Variants in PRKG1 observed in about 807,000 individuals in gnomAD.
The protein encoded by PRKG1 is cGMP-dependent protein kinase 1.
In PRKG1, 35 loss-of-function variants were observed where a neutral mutation model predicts 88.1. That is an observed-to-expected ratio of 0.40 (90% confidence interval 0.30 to 0.53). The LOEUF (loss-of-function observed/expected upper bound fraction) is 0.53. Ranked by LOEUF, PRKG1 falls within the 20% of genes least tolerant of loss-of-function variation. The pLI is 0.59. For missense variants in PRKG1, 540 were observed against 839.8 expected (o/e 0.64, Z 4.41); for synonymous variants, 303 against 292.5 (o/e 1.04, Z -0.37).
At chr10:51,671,427 G>A (rs1840573451) in intron 3 of PRKG1, among the ~76,000 whole-genome samples, 1 of 152,148 alleles carries the variant, frequency 6.6e-6, no homozygotes, top group Non-Finnish European at 1.5e-5. Flanking sequence ...ATCTCTAAAG[G>A]AAGATCTATT....
At chr10:51,013,970 T>A (rs1162913004) in intron 1 of PRKG1, among the ~76,000 whole-genome samples, 1 of 152,160 alleles carries the variant, frequency 6.6e-6, no homozygotes, top group Non-Finnish European at 1.5e-5. Context: ...GCCATAATAA[T>A]ATGCAGGAAA....
At chr10:52,051,483 A>G (rs1348084671) in intron 5 of PRKG1, among the ~76,000 whole-genome samples, 1 of 152,162 alleles carries the variant, frequency 6.6e-6, no homozygotes, top group Non-Finnish European at 1.5e-5. Flanking sequence ...GTACTTATAT[A>G]CAGGAAAGCA....
intron 3 of PRKG1, among the ~76,000 whole-genome samples, chr10:51,562,045 A>T (rs546257994): frequency 1.3e-5 from 2 of 152,050 alleles, no homozygotes; most frequent in South Asian, 4.2e-4. Context: ...CAACATGACG[A>T]AAACCCCATC....
intron 7 of PRKG1, among the ~76,000 whole-genome samples, chr10:52,132,906 G>C (rs950126656): frequency 6.6e-6 from 1 of 152,074 alleles, no homozygotes; most frequent in Non-Finnish European, 1.5e-5. Flanking sequence ...ACACTGTGGA[G>C]AACGGGGTAT....
At chr10:51,010,278 T>C (rs1025825083) in intron 1 of PRKG1, among the ~76,000 whole-genome samples, 4 of 152,270 alleles carry the variant, frequency 2.6e-5, no homozygotes, top group African/African-American at 9.6e-5. Context: ...AGGCCATTAA[T>C]GGCATCTCAC....
chr10:51,946,808 C>T (rs1404316018), intron 5 of PRKG1, among the ~76,000 whole-genome samples: 4 of 151,980 alleles, frequency 2.6e-5, no homozygotes, highest in Non-Finnish European at 5.9e-5. Context: ...GCTGTGTGAT[C>T]GTTCCTCTGG....
chr10:52,062,301 A>G (rs1846255595), intron 6 of PRKG1, among the ~76,000 whole-genome samples: 1 of 152,184 alleles, frequency 6.6e-6, no homozygotes. Flanking sequence ...TTTACTGGTA[A>G]TGTATTATTT....
intron 2 of PRKG1, among the ~76,000 whole-genome samples, chr10:51,204,087 A>C (rs1837981101): frequency 6.6e-6 from 1 of 152,208 alleles, no homozygotes; most frequent in Non-Finnish European, 1.5e-5. Flanking sequence ...TAGTACCTAG[A>C]AACTTATGTA....
At chr10:51,570,828 A>G (rs1311103650) in intron 3 of PRKG1, among the ~76,000 whole-genome samples, 4 of 151,942 alleles carry the variant, frequency 2.6e-5, no homozygotes, top group East Asian at 3.9e-4. Flanking sequence ...AAACTTTGTC[A>G]TTGTTTGTAC....
At chr10:51,595,569 G>A (rs1415780211) in intron 3 of PRKG1, among the ~76,000 whole-genome samples, 1 of 151,984 alleles carries the variant, frequency 6.6e-6, no homozygotes, top group Non-Finnish European at 1.5e-5. Flanking sequence ...AGTAAAGGTT[G>A]CAGTGAGCTG....
intron 7 of PRKG1, among the ~76,000 whole-genome samples, chr10:52,126,502 A>C (rs956552481): frequency 2.6e-5 from 4 of 151,986 alleles, no homozygotes; most frequent in Non-Finnish European, 4.4e-5. Context: ...AATATGCAAA[A>C]ATACTTCTTT....
At chr10:52,150,852 A>C (rs2132667496) in intron 8 of PRKG1, among the ~76,000 whole-genome samples, 1 of 152,294 alleles carries the variant, frequency 6.6e-6, no homozygotes, top group South Asian at 2.1e-4. Context: ...TCTTAGCCAG[A>C]GTTTCCCAGA....
At chr10:52,005,312 G>T (rs1844705047) in intron 5 of PRKG1, among the ~76,000 whole-genome samples, 1 of 145,230 alleles carries the variant, frequency 6.9e-6, no homozygotes, top group South Asian at 2.1e-4. Flanking sequence ...GGCCAGGCTG[G>T]TCTCGAACTG....
intron 9 of PRKG1, among the ~76,000 whole-genome samples, chr10:52,204,096 TATTATTA>T (rs1564514954): frequency 2.7e-5 from 3 of 109,460 alleles, no homozygotes; most frequent in African/African-American, 3.3e-5. Context: ...TTATTATTAT[TATTATTA>T]TTATTTTTTG....
chr10:52,241,021 G>A (rs1043468405), intron 9 of PRKG1, among the ~76,000 whole-genome samples: 1 of 151,934 alleles, frequency 6.6e-6, no homozygotes, highest in African/African-American at 2.4e-5. Context: ...AAGTTTTATC[G>A]AGTCTGTTTT....
chr10:51,275,743 A>G (rs975968716), intron 2 of PRKG1, among the ~76,000 whole-genome samples: 2 of 152,158 alleles, frequency 1.3e-5, no homozygotes, highest in African/African-American at 4.8e-5. Flanking sequence ...AACCAGAGTG[A>G]CAAATGGCCC....
intron 3 of PRKG1, among the ~76,000 whole-genome samples, chr10:51,578,478 A>G (rs547451181): frequency 1.3e-5 from 2 of 152,222 alleles, no homozygotes; most frequent in African/African-American, 4.8e-5. Context: ...TTTTCATGGT[A>G]AGTGTAGAAG....
At chr10:51,850,557 A>G (rs1252971983) in intron 4 of PRKG1, among the ~76,000 whole-genome samples, 1 of 152,056 alleles carries the variant, frequency 6.6e-6, no homozygotes, top group Non-Finnish European at 1.5e-5. Flanking sequence ...CAGCAAAACC[A>G]GAAGGCCAAT....
intron 3 of PRKG1, among the ~76,000 whole-genome samples, chr10:51,802,052 C>G (rs537263236): frequency 1.3e-4 from 20 of 152,140 alleles, no homozygotes; most frequent in African/African-American, 4.8e-4. Flanking sequence ...CACTTAAGAT[C>G]AAAGGTGAAT....
Sources: allele counts gnomAD v4.1 joint callset (sites outside exome capture counted in the v4.1 genomes callset), GRCh38; gene constraint gnomAD v4.1.1; transcripts MANE v1.5; gene names NCBI Gene and HGNC (gene_info 2026-07-23, HGNC 2026-07-21).